The following KLHL1 variants were observed in gnomAD, a reference collection of about 807,000 sequenced individuals.
The protein encoded by KLHL1 is kelch-like protein 1.
In KLHL1, 47 loss-of-function variants were observed where a neutral mutation model predicts 77.7. The observed-to-expected ratio is 0.60, with a 90% CI of 0.48 to 0.77. The LOEUF is 0.77. KLHL1 is among the 30% of genes least tolerant of loss of function. The pLI, the probability that KLHL1 is intolerant of heterozygous loss-of-function variation, is 0.00. For missense variants in KLHL1, 925 were observed against 910.8 expected (o/e 1.02, Z -0.20); for synonymous variants, 360 against 325.2 (o/e 1.11, Z -1.15).
At chr13:69,945,519 A>T (rs1306985862) in intron 3 of KLHL1, among the ~76,000 whole-genome samples, 2 of 152,036 alleles carry the variant, frequency 1.3e-5, no homozygotes, top group African/African-American at 4.8e-5. Context: ...ATGAACCATA[A>T]ACCAGGAAAA....
chr13:69,813,816 T>C (rs1878004403), intron 6 of KLHL1, among the ~76,000 whole-genome samples: 1 of 152,206 alleles, frequency 6.6e-6, no homozygotes. Context: ...AAAATGTCCA[T>C]ACTGCTCAAA....
chr13:69,736,088 GAATA>G (rs977337775), intron 8 of KLHL1, among the ~76,000 whole-genome samples: 1 of 152,112 alleles, frequency 6.6e-6, no homozygotes, highest in African/African-American at 2.4e-5. Context: ...ACAATCAGCA[GAATA>G]AACAGACAAC....
At chr13:70,008,868 C>T (rs540794316) in intron 1 of KLHL1, among the ~76,000 whole-genome samples, 1 of 152,162 alleles carries the variant, frequency 6.6e-6, no homozygotes, top group East Asian at 1.9e-4. Context: ...AAGTTGTACA[C>T]TTGTAATAGA....
intron 1 of KLHL1, among the ~76,000 whole-genome samples, chr13:70,026,357 A>G (rs1247286728): frequency 1.3e-5 from 2 of 152,154 alleles, no homozygotes; most frequent in Non-Finnish European, 2.9e-5. Flanking sequence ...ACAGTACTAC[A>G]TATAGTTAAC....
rs144785072 is a variant in KLHL1, at chr13:69,789,419, A to G, written c.1639+7319T>C. ...TATGTTAGAAAAAATATGACTATTG[A>G]GTCGAGGAATCTGAGATTAAATCCA... On this transcript the variant is annotated intron_variant, in intron 7 of 10. Coordinates refer to ENST00000377844, the MANE Select transcript of KLHL1 (RefSeq NM_020866.3). Among the ~76,000 whole-genome samples, 127 of 152,184 alleles carry G rather than the reference A, an allele frequency of 8.3e-4. 1 individual carries two copies. Among genetic ancestry groups the G allele is most frequent in the African/African-American group, 3.0e-3 (123 of 41,528 alleles).
intron 1 of KLHL1, among the ~76,000 whole-genome samples, chr13:70,102,565 G>A (rs1887947816): frequency 6.6e-6 from 1 of 151,974 alleles, no homozygotes; most frequent in African/African-American, 2.4e-5. Flanking sequence ...CTTTTGTTCT[G>A]TTTGTTTGTC....
intron 7 of KLHL1, among the ~76,000 whole-genome samples, chr13:69,753,278 G>C (rs1297140628): frequency 6.6e-6 from 1 of 152,118 alleles, no homozygotes; most frequent in Non-Finnish European, 1.5e-5. Context: ...AATATGTTTA[G>C]TACTAGGACA....
intron 9 of KLHL1, among the ~76,000 whole-genome samples, chr13:69,711,040 A>G (rs796636968): frequency 7.9e-5 from 12 of 152,230 alleles, no homozygotes; most frequent in African/African-American, 2.9e-4. Flanking sequence ...ATAAAAGTTA[A>G]TTTCTCTTTG....
At chr13:69,784,210 G>A (rs1261392900) in intron 7 of KLHL1, among the ~76,000 whole-genome samples, 3 of 152,104 alleles carry the variant, frequency 2.0e-5, no homozygotes, top group South Asian at 2.1e-4. Flanking sequence ...GGAAAAACCG[G>A]TACCAGCCAC....
At chr13:69,988,707 G>A (rs1884942201) in intron 1 of KLHL1, among the ~76,000 whole-genome samples, 1 of 152,078 alleles carries the variant, frequency 6.6e-6, no homozygotes, top group Non-Finnish European at 1.5e-5. Context: ...TTTCTCTAAT[G>A]ATTAGTGATA....
chr13:69,954,904 ATAT>A (rs1165388198), intron 3 of KLHL1, among the ~76,000 whole-genome samples: 4 of 150,906 alleles, frequency 2.7e-5, no homozygotes, highest in African/African-American at 9.7e-5. Flanking sequence ...TATAAAAATT[ATAT>A]TATTGATTTT....
intron 3 of KLHL1, among the ~76,000 whole-genome samples, chr13:69,955,543 C>A (rs1883839741): frequency 6.6e-6 from 1 of 151,218 alleles, no homozygotes; most frequent in Admixed American, 6.6e-5. Flanking sequence ...GTTAGTAACT[C>A]TGCAATTCCA....
At chr13:69,946,963 A>G (rs1282014701) in intron 3 of KLHL1, among the ~76,000 whole-genome samples, 1 of 150,532 alleles carries the variant, frequency 6.6e-6, no homozygotes, top group African/African-American at 2.5e-5. Flanking sequence ...CCAACTTATC[A>G]TATGAAAAAC....
intron 6 of KLHL1, among the ~76,000 whole-genome samples, chr13:69,832,515 T>C (rs1303034530): frequency 6.7e-6 from 1 of 149,506 alleles, no homozygotes; most frequent in African/African-American, 2.5e-5. Context: ...GGGAAAATAA[T>C]CATACTGCCA....
rs1489249884 is a variant in KLHL1 at position 70,107,773 on chromosome 13, G to A, written c.-74C>T. ...TGGTCAGCAGGTGGGGGAGGACAGC[G>A]GGGCCCGGGGGCGGAGGAAGAGGCG... On this transcript the variant is annotated 5_prime_UTR_variant, in exon 1 of 11. Coordinates refer to ENST00000377844, the MANE Select transcript of KLHL1 (RefSeq NM_020866.3). 2.6e-6 allele frequency: 3 copies of A among 1,171,412 alleles called. No homozygotes were observed. Among genetic ancestry groups the A allele is most frequent in the African/African-American group, 3.1e-5 (2 of 64,812 alleles). The allele number at this position is 1,171,412 out of a possible 1,614,324, so 72.6% of individuals were successfully genotyped here. A position where few individuals can be genotyped will look rare whatever the true frequency, so the allele number is the denominator to read the frequency against.
chr13:69,869,896 A>G (rs983319455), intron 5 of KLHL1, among the ~76,000 whole-genome samples: 3 of 152,208 alleles, frequency 2.0e-5, no homozygotes, highest in African/African-American at 7.2e-5. Context: ...GTTGTGAGTA[A>G]TGATTATTAC....
At chr13:70,054,487 A>G (rs1046000649) in intron 1 of KLHL1, among the ~76,000 whole-genome samples, 1 of 152,058 alleles carries the variant, frequency 6.6e-6, no homozygotes, top group African/African-American at 2.4e-5. Context: ...TATCCATTCT[A>G]TTGTTAATGG....
intron 1 of KLHL1, among the ~76,000 whole-genome samples, chr13:69,999,575 A>C (rs2137323636): frequency 6.6e-6 from 1 of 152,208 alleles, no homozygotes; most frequent in East Asian, 1.9e-4. Context: ...TGGGATGATT[A>C]ATCCCAATAA....
intron 7 of KLHL1, among the ~76,000 whole-genome samples, chr13:69,779,569 C>G (rs1321398029): frequency 1.3e-5 from 2 of 151,112 alleles, no homozygotes; most frequent in Non-Finnish European, 2.9e-5. Context: ...CTAATGGTGT[C>G]TATATTTCTA....
Sources: gnomAD v4.1 joint callset for allele counts (sites outside exome capture counted in the v4.1 genomes callset) on GRCh38, gnomAD v4.1.1 for gene constraint, MANE v1.5 for transcripts, NCBI Gene and HGNC (gene_info 2026-07-23, HGNC 2026-07-21) for gene names.